Variants in PHACTR1 observed in about 807,000 individuals in gnomAD.
The protein encoded by PHACTR1 is phosphatase and actin regulator 1.
Under a neutral mutation model 69.2 loss-of-function variants are expected in PHACTR1, and 16 were observed. That is an observed-to-expected ratio of 0.23 (90% CI 0.16 to 0.35). The LOEUF (loss-of-function observed/expected upper bound fraction) is 0.35, where lower values mean the gene tolerates loss of function less well. PHACTR1 is among the 10% of genes least tolerant of loss of function. The pLI is 1.00. For missense variants in PHACTR1, 510 were observed against 734.7 expected, an observed-to-expected ratio of 0.69 and a Z score of 3.54; for synonymous variants, 312 against 284.5, an observed-to-expected ratio of 1.10 and a Z score of -0.97.
At chr6:13,177,124 G>A (rs1467843973) in intron 6 of PHACTR1, among the ~76,000 whole-genome samples, 2 of 135,288 alleles carry the variant, frequency 1.5e-5, no homozygotes, top group Non-Finnish European at 3.1e-5. Context: ...GATCACTTGA[G>A]CCCAGGAGTT....
chr6:13,237,202 A>G (rs564272042), intron 10 of PHACTR1, among the ~76,000 whole-genome samples: 1 of 152,118 alleles, frequency 6.6e-6, no homozygotes, highest in African/African-American at 2.4e-5. Flanking sequence ...CACAGACCCC[A>G]TGTTGACAAA....
At chr6:13,197,602 T>C (rs908414361) in intron 7 of PHACTR1, among the ~76,000 whole-genome samples, 6 of 152,128 alleles carry the variant, frequency 3.9e-5, no homozygotes, top group East Asian at 1.9e-4. Context: ...AATGTGCAGG[T>C]TTGTTACATA....
intron 5 of PHACTR1, among the ~76,000 whole-genome samples, chr6:13,125,456 A>G (rs1819387037): frequency 6.6e-6 from 1 of 151,598 alleles, no homozygotes. Context: ...GTCATTTTTT[A>G]TGCTAGCTTC....
intron 5 of PHACTR1, among the ~76,000 whole-genome samples, chr6:13,062,822 C>T (rs1807880815): frequency 6.6e-6 from 1 of 152,172 alleles, no homozygotes; most frequent in South Asian, 2.1e-4. Flanking sequence ...GAAACATGGC[C>T]TCTTATCCAG....
chr6:12,936,157 C>T (rs1464270857), intron 4 of PHACTR1, among the ~76,000 whole-genome samples: 5 of 151,940 alleles, frequency 3.3e-5, no homozygotes, highest in Non-Finnish European at 7.4e-5. Flanking sequence ...ATCCAAATCC[C>T]TTATGTTACT....
At chr6:12,924,225 C>A (rs1263118270) in intron 4 of PHACTR1, among the ~76,000 whole-genome samples, 1 of 152,096 alleles carries the variant, frequency 6.6e-6, no homozygotes, top group Non-Finnish European at 1.5e-5. Context: ...TACATATATA[C>A]ATAAATATAT....
chr6:13,020,135 A>C (rs1800752195), intron 4 of PHACTR1, among the ~76,000 whole-genome samples: 3 of 152,206 alleles, frequency 2.0e-5, no homozygotes, highest in South Asian at 4.1e-4. Context: ...AAGTCCAAGG[A>C]GGCAAAAGTT....
At chr6:12,743,572 G>A (rs1765354747) in intron 3 of PHACTR1, among the ~76,000 whole-genome samples, 2 of 152,016 alleles carry the variant, frequency 1.3e-5, no homozygotes, top group Admixed American at 1.3e-4. Context: ...GTCAGAAAGT[G>A]TTATTCTTAG....
intron 4 of PHACTR1, among the ~76,000 whole-genome samples, chr6:12,941,295 C>G (rs911778432): frequency 2.0e-5 from 3 of 152,146 alleles, no homozygotes; most frequent in African/African-American, 7.2e-5. Flanking sequence ...GATATTTAAC[C>G]TACATCACAT....
intron 4 of PHACTR1, among the ~76,000 whole-genome samples, chr6:12,862,481 T>C (rs1435110683): frequency 4.6e-5 from 7 of 152,094 alleles, no homozygotes; most frequent in Admixed American, 4.6e-4. Flanking sequence ...CGGCATACAC[T>C]GGGGGATGGC....
intron 3 of PHACTR1, among the ~76,000 whole-genome samples, chr6:12,732,180 T>C (rs1194176677): frequency 6.6e-6 from 1 of 152,024 alleles, no homozygotes; most frequent in African/African-American, 2.4e-5. Flanking sequence ...ATAGTAATTA[T>C]AGAAAAATTT....
chr6:12,981,425 T>A (rs1795514513), intron 4 of PHACTR1, among the ~76,000 whole-genome samples: 1 of 152,190 alleles, frequency 6.6e-6, no homozygotes. Flanking sequence ...AACCTTTAAA[T>A]TAAATGAAGT....
chr6:12,766,501 T>C (rs1453613234), intron 4 of PHACTR1, among the ~76,000 whole-genome samples: 3 of 152,184 alleles, frequency 2.0e-5, no homozygotes, highest in Non-Finnish European at 4.4e-5. Context: ...GCTGACTCTC[T>C]AGGTTCATGA....
chr6:12,844,128 C>T (rs909700276), intron 4 of PHACTR1, among the ~76,000 whole-genome samples: 1 of 152,160 alleles, frequency 6.6e-6, no homozygotes, highest in African/African-American at 2.4e-5. Context: ...AGCGCAGTGG[C>T]TCATACCTAT....
chr6:12,830,418 A>G (rs762139458), intron 4 of PHACTR1, among the ~76,000 whole-genome samples: 19 of 151,964 alleles, frequency 1.3e-4, no homozygotes, highest in Non-Finnish European at 2.6e-4. Context: ...CACATATTTA[A>G]GCTCACCTTG....
chr6:13,158,220 C>T (rs1758471002), intron 5 of PHACTR1, among the ~76,000 whole-genome samples: 1 of 152,252 alleles, frequency 6.6e-6, no homozygotes, highest in South Asian at 2.1e-4. Flanking sequence ...AACTTTCTAA[C>T]CTAACTGCAT....
At chr6:12,727,881 C>T (rs1471935410) in intron 3 of PHACTR1, among the ~76,000 whole-genome samples, 1 of 152,134 alleles carries the variant, frequency 6.6e-6, no homozygotes, top group Non-Finnish European at 1.5e-5. Context: ...TATGCAAAAC[C>T]ATGGAATGAA....
intron 5 of PHACTR1, among the ~76,000 whole-genome samples, chr6:13,059,458 T>TCA (rs57652223): frequency 0.036 from 5,327 of 148,184 alleles, 151 homozygotes; most frequent in Admixed American, 0.08. Flanking sequence ...AATGTTCTTA[T>TCA]CACACACACA....
At chr6:13,113,408 A>G (rs190298326) in intron 5 of PHACTR1, among the ~76,000 whole-genome samples, 1 of 152,310 alleles carries the variant, frequency 6.6e-6, no homozygotes, top group African/African-American at 2.4e-5. Flanking sequence ...TACAATTTCA[A>G]CCAGTCTCTT....
Sources: gnomAD v4.1 joint callset for allele counts (sites outside exome capture counted in the v4.1 genomes callset) on GRCh38, gnomAD v4.1.1 for gene constraint, MANE v1.5 for transcripts, NCBI Gene and HGNC (gene_info 2026-07-23, HGNC 2026-07-21) for gene names.